JARID2: variants seen among roughly 807,000 people sequenced by gnomAD.
The protein encoded by JARID2 is protein Jumonji.
Under a neutral mutation model 125.6 loss-of-function variants are expected in JARID2, and 21 were observed. The ratio of observed to expected loss-of-function variants is 0.17; its 90% confidence interval spans 0.12 to 0.24. JARID2 has a LOEUF of 0.24. Ranked by LOEUF, JARID2 falls within the 10% of genes least tolerant of loss-of-function variation. The probability of loss-of-function intolerance (pLI) is 1.00; values close to 1 mark genes in which losing one functional copy is unlikely to be tolerated. For missense variants in JARID2, 1,303 were observed against 1,639.6 expected (o/e 0.79, Z 3.55); for synonymous variants, 736 against 661.6 (o/e 1.11, Z -1.73).
intron 2 of JARID2, among the ~76,000 whole-genome samples, chr6:15,397,272 C>T (rs1238292127): frequency 6.6e-6 from 1 of 152,172 alleles, no homozygotes; most frequent in Non-Finnish European, 1.5e-5. Context: ...ATGGTCAATA[C>T]TACGTAATTT....
At chr6:15,310,456 A>G (rs913121326) in intron 1 of JARID2, among the ~76,000 whole-genome samples, 8 of 152,360 alleles carry the variant, frequency 5.3e-5, no homozygotes, top group Middle Eastern at 3.4e-3. Flanking sequence ...AGTGATTTAC[A>G]TAGGAAAATG....
At chr6:15,466,275 T>C (rs1419673848) in intron 4 of JARID2, among the ~76,000 whole-genome samples, 2 of 152,120 alleles carry the variant, frequency 1.3e-5, no homozygotes, top group East Asian at 3.9e-4. Context: ...AATGGTTGAA[T>C]TGGCTGCAGA....
At chr6:15,280,158 T>C (rs1760695544) in intron 1 of JARID2, among the ~76,000 whole-genome samples, 1 of 152,112 alleles carries the variant, frequency 6.6e-6, no homozygotes, top group African/African-American at 2.4e-5. Context: ...TAAAAAAGGG[T>C]AAAATAAACA....
intron 1 of JARID2, among the ~76,000 whole-genome samples, chr6:15,255,256 G>T (rs980918239): frequency 6.8e-6 from 1 of 147,352 alleles, no homozygotes; most frequent in Non-Finnish European, 1.5e-5. Flanking sequence ...AGGCACACAC[G>T]ACCATGCCCA....
chr6:15,255,418 A>G (rs1298142495), intron 1 of JARID2, among the ~76,000 whole-genome samples: 1 of 152,104 alleles, frequency 6.6e-6, no homozygotes, highest in South Asian at 2.1e-4. Flanking sequence ...AGGAATTCTT[A>G]ACAGTAACTT....
At chr6:15,334,050 A>C (rs1476985792) in intron 1 of JARID2, among the ~76,000 whole-genome samples, 1 of 152,172 alleles carries the variant, frequency 6.6e-6, no homozygotes, top group African/African-American at 2.4e-5. Context: ...ACCCCAAAGG[A>C]GGGCTTGCTC....
At chr6:15,325,010 A>G (rs553736223) in intron 1 of JARID2, among the ~76,000 whole-genome samples, 2 of 152,142 alleles carry the variant, frequency 1.3e-5, no homozygotes, top group South Asian at 2.1e-4. Context: ...ATGCTTTTAG[A>G]GTTTTTCTGT....
At chr6:15,352,382 A>G (rs1763460144) in intron 1 of JARID2, among the ~76,000 whole-genome samples, 1 of 152,090 alleles carries the variant, frequency 6.6e-6, no homozygotes, top group Admixed American at 6.6e-5. Context: ...GATAACGTGC[A>G]TTGTCATTGG....
chr6:15,489,438 C>G (rs1191352708), intron 6 of JARID2, among the ~76,000 whole-genome samples: 3 of 152,192 alleles, frequency 2.0e-5, no homozygotes, highest in Non-Finnish European at 2.9e-5. Context: ...TGCGCACATC[C>G]TCTTGCACGG....
chr6:15,433,410 CTGTGTGTGTGTGTGTGTG>C (rs57296791), intron 3 of JARID2, among the ~76,000 whole-genome samples: 1,887 of 143,520 alleles, frequency 0.013, 19 homozygotes, highest in Middle Eastern at 0.055. Flanking sequence ...CCATGTCTCT[CTGTGTGTGTGTGTGTGTG>C]TGTGTGTGTG....
intron 13 of JARID2, 32 bp downstream of exon 13, chr6:15,511,433 A>C: frequency 2.1e-6 from 3 of 1,426,256 alleles, no homozygotes; most frequent in Non-Finnish European, 3.0e-6. Flanking sequence ...CTCCAGCAGG[A>C]GCTGTAGGAC....
At chr6:15,513,859 C>T (rs1180140817) in intron 16 of JARID2, among the ~76,000 whole-genome samples, 6 of 152,240 alleles carry the variant, frequency 3.9e-5, no homozygotes, top group East Asian at 1.9e-4. Context: ...TGCCCTTTGG[C>T]TCTGTTCTTG....
At chr6:15,404,424 A>G (rs1199086327) in intron 2 of JARID2, among the ~76,000 whole-genome samples, 1 of 151,970 alleles carries the variant, frequency 6.6e-6, no homozygotes, top group Non-Finnish European at 1.5e-5. Context: ...ATTTTTCACT[A>G]TCAATGGCAG....
intron 3 of JARID2, among the ~76,000 whole-genome samples, chr6:15,429,091 G>C (rs1766863022): frequency 6.6e-6 from 1 of 152,148 alleles, no homozygotes; most frequent in South Asian, 2.1e-4. Context: ...GGAATAGGTA[G>C]TCTTTGCTTT....
chr6:15,502,543 C>CT (rs796078003), intron 8 of JARID2, among the ~76,000 whole-genome samples: 8 of 152,354 alleles, frequency 5.3e-5, no homozygotes, highest in African/African-American at 1.9e-4. Context: ...GGCTGCCTGA[C>CT]TGCAGGCTCT....
At chr6:15,399,675 G>A (rs1765351137) in intron 2 of JARID2, among the ~76,000 whole-genome samples, 1 of 152,130 alleles carries the variant, frequency 6.6e-6, no homozygotes, top group African/African-American at 2.4e-5. Flanking sequence ...CTACCTTCAG[G>A]GTTTTTGTGA....
chr6:15,285,906 T>C (rs1011707009), intron 1 of JARID2, among the ~76,000 whole-genome samples: 29 of 152,326 alleles, frequency 1.9e-4, no homozygotes, highest in African/African-American at 6.7e-4. Flanking sequence ...AAAGCCCACT[T>C]GATGAAAGAG....
intron 2 of JARID2, chr6:15,401,053 T>G: frequency 7.8e-7 from 1 of 1,289,274 alleles, no homozygotes; most frequent in South Asian, 1.2e-5. Flanking sequence ...ACCAAATAGC[T>G]CTAGATTTGT....
In JARID2 at chr6:15,497,233, C is replaced by T. The variant is rs368512171; in HGVS notation, c.1945+63C>T. ...CTCCTGCCCCCAGATCCCTGCAGTT[C>T]CCTCACAGTCTTCACGTTCTCTTCC... On this transcript the variant is annotated intron_variant, in intron 7 of 17. Coordinates refer to ENST00000341776, the MANE Select transcript of JARID2 (RefSeq NM_004973.4). 13 of 1,226,188 alleles carry T rather than the reference C, an allele frequency of 1.1e-5. No homozygotes were observed. In the African/African-American group the frequency reaches 1.1e-4, roughly 10 times the overall value. 76.0% of individuals were successfully genotyped at this position (1,226,188 alleles called of 1,614,324 possible).
Sources: gnomAD v4.1 joint callset for allele counts (sites outside exome capture counted in the v4.1 genomes callset) on GRCh38, gnomAD v4.1.1 for gene constraint, MANE v1.5 for transcripts, NCBI Gene and HGNC (gene_info 2026-07-23, HGNC 2026-07-21) for gene names.